The following DMD variants were observed in gnomAD, a reference collection of about 807,000 sequenced individuals.
DMD encodes the protein mutant dystrophin.
A neutral mutation model predicts 330.1 loss-of-function variants in DMD; 63 were observed. That is an observed-to-expected ratio of 0.19 (90% CI 0.16 to 0.24). DMD has a LOEUF of 0.24. DMD is among the 10% of genes least tolerant of loss of function. The pLI, the probability that DMD is intolerant of heterozygous loss-of-function variation, is 1.00. For missense variants in DMD, 3,344 were observed against 2,684.1 expected, an observed-to-expected ratio of 1.25 and a Z score of -5.43; for synonymous variants, 1,223 against 959.8, an observed-to-expected ratio of 1.27 and a Z score of -5.07.
intron 30 of DMD, among the ~76,000 whole-genome samples, chrX:32,395,942 T>C (rs1234352416): frequency 9.0e-6 from 1 of 111,353 alleles, no homozygotes; most frequent in Non-Finnish European, 1.9e-5. Flanking sequence ...ATTTTCTATT[T>C]ATAATTTTTT....
chrX:31,138,668 A>G (rs1289477208), intron 76 of DMD, among the ~76,000 whole-genome samples: 4 of 58,224 alleles, frequency 6.9e-5, no homozygotes, highest in South Asian at 9.2e-4. Flanking sequence ...AGAGAGAGAG[A>G]GAGAGAGAGA....
At chrX:31,653,470 T>C (rs2080585739) in intron 54 of DMD, among the ~76,000 whole-genome samples, 1 of 110,754 alleles carries the variant, frequency 9.0e-6, no homozygotes, top group Non-Finnish European at 1.9e-5. Flanking sequence ...TCTAGGCATG[T>C]TTAACCCTCT....
At chrX:31,998,151 G>A (rs2095602160) in intron 44 of DMD, among the ~76,000 whole-genome samples, 1 of 111,450 alleles carries the variant, frequency 9.0e-6, no homozygotes, top group African/African-American at 3.3e-5. Context: ...AAATAAAGAG[G>A]AAGAAACGTA....
rs145463520 is a variant in DMD, at chrX:32,514,820, C to G, written c.2292+3188G>C. Reference sequence around the variant, plus strand: ...TACATACAATCATGACAGCAGGTAGCTGAATTGAGGAGATGAGAGAAACAA... The same window carrying G: ...TACATACAATCATGACAGCAGGTAGGTGAATTGAGGAGATGAGAGAAACAA... On this transcript the variant is annotated intron_variant, in intron 18 of 78. Coordinates refer to ENST00000357033, the MANE Select transcript of DMD (RefSeq NM_004006.3). Among the ~76,000 whole-genome samples, 858 of 112,497 alleles carry G rather than the reference C, an allele frequency of 7.6e-3. 5 individuals carry two copies. The highest frequency in any genetic ancestry group is 0.026 in the African/African-American group (806 of 30,992).
chrX:33,294,322 C>T (rs901459977), intron 1 of DMD, among the ~76,000 whole-genome samples: 1 of 111,001 alleles, frequency 9.0e-6, no homozygotes, highest in Non-Finnish European at 1.9e-5. Context: ...TCCATGGAGC[C>T]CCTGACACTA....
chrX:32,140,073 T>C (rs1380757737), intron 44 of DMD, among the ~76,000 whole-genome samples: 1 of 112,264 alleles, frequency 8.9e-6, no homozygotes, highest in African/African-American at 3.2e-5. Context: ...TTTTGTCTTG[T>C]TTACATCCTA....
chrX:32,516,819 ATATAT>A (rs1327064501), intron 18 of DMD: 4 of 111,941 alleles, frequency 3.6e-5, no homozygotes, highest in African/African-American at 6.5e-5. Context: ...TTCTACAATT[ATATAT>A]TATCTTTCAG....
At chrX:31,970,616 G>A (rs1451774237) in intron 44 of DMD, among the ~76,000 whole-genome samples, 1 of 110,754 alleles carries the variant, frequency 9.0e-6, no homozygotes, top group Non-Finnish European at 1.9e-5. Context: ...GGCAGTGAGA[G>A]TACGGCAGAA....
chrX:33,239,460 A>AG (rs201764514), intron 1 of DMD, among the ~76,000 whole-genome samples: 2 of 109,404 alleles, frequency 1.8e-5, no homozygotes, highest in African/African-American at 3.3e-5. Flanking sequence ...CTAAGGAAAA[A>AG]AAAGGAGGGC....
At position 32,800,379 on chromosome X, in the gene DMD, T is replaced by C. The variant is rs112188503; in HGVS notation, c.649+9114A>G. On this transcript the variant is annotated intron_variant, in intron 7 of 78. Transcript: ENST00000357033. The stretch of plus-strand genomic sequence containing the variant: ...AGCAGTCAGTAAATAAAAATTCTTA[T>C]GAGTTATTATTTTTTTCTTTGAATC... 4.5e-3 allele frequency among the ~76,000 whole-genome samples: 490 copies of C among 109,313 alleles called. 1 individual carries two copies. The highest frequency in any genetic ancestry group is 0.01 in the South Asian group (28 of 2,697). The allele number at this position is 109,313 out of a possible 115,157, so 94.9% of individuals were successfully genotyped here. A position where few individuals can be genotyped will look rare whatever the true frequency, so the allele number is the denominator to read the frequency against.
chrX:31,836,888 T>G, intron 48 of DMD, 69 bp from the exon 49 acceptor site: 1 of 926,902 alleles, frequency 1.1e-6, no homozygotes, highest in Non-Finnish European at 1.6e-6. Flanking sequence ...AATTTAAATA[T>G]ACCCTTGGAG....
At chrX:31,822,102 C>A (rs1264796947) in intron 49 of DMD, among the ~76,000 whole-genome samples, 1 of 112,207 alleles carries the variant, frequency 8.9e-6, no homozygotes, top group African/African-American at 3.2e-5. Flanking sequence ...AACCTCTAAG[C>A]ATTCACAGAC....
chrX:31,881,059 G>A (rs1243141698), intron 47 of DMD, among the ~76,000 whole-genome samples: 1 of 111,096 alleles, frequency 9.0e-6, no homozygotes, highest in African/African-American at 3.3e-5. Context: ...GCGTGTTTGT[G>A]TTTTACTTTT....
At chrX:33,294,463 A>G (rs1272302960) in intron 1 of DMD, among the ~76,000 whole-genome samples, 1 of 111,627 alleles carries the variant, frequency 9.0e-6, no homozygotes, top group Non-Finnish European at 1.9e-5. Context: ...CTGCAGTGGC[A>G]GAGGCCATGA....
At chrX:33,307,278 A>C (rs963945801) in intron 1 of DMD, among the ~76,000 whole-genome samples, 1 of 112,146 alleles carries the variant, frequency 8.9e-6, no homozygotes, top group East Asian at 2.8e-4. Context: ...TAATAGACTT[A>C]CATATAATAA....
chrX:32,336,880 A>C (rs192116214), intron 41 of DMD, among the ~76,000 whole-genome samples: 1 of 112,034 alleles, frequency 8.9e-6, no homozygotes, highest in South Asian at 3.7e-4. Context: ...ATGTTAGCAG[A>C]AGAGCAAAAA....
chrX:31,605,558 T>A (rs775445207), intron 55 of DMD, among the ~76,000 whole-genome samples: 99 of 111,891 alleles, frequency 8.8e-4, no homozygotes, highest in Non-Finnish European at 1.4e-3. Flanking sequence ...TGATAATTTG[T>A]GGGCACAAAA....
At chrX:32,569,961 C>A (rs766942898) in intron 15 of DMD, among the ~76,000 whole-genome samples, 19 of 111,489 alleles carry the variant, frequency 1.7e-4, no homozygotes, top group African/African-American at 5.2e-4. Context: ...TTTCTTCTTT[C>A]CCTTCATTTT....
chrX:32,875,719 T>G (rs1295310206), intron 2 of DMD, among the ~76,000 whole-genome samples: 1 of 112,123 alleles, frequency 8.9e-6, no homozygotes, highest in Non-Finnish European at 1.9e-5. Flanking sequence ...AAATTTCAAT[T>G]CAATCACTGC....
Sources: allele counts gnomAD v4.1 joint callset (sites outside exome capture counted in the v4.1 genomes callset), GRCh38; gene constraint gnomAD v4.1.1; transcripts MANE v1.5; gene names NCBI Gene and HGNC (gene_info 2026-07-23, HGNC 2026-07-21).